Variants in RFX3 observed in about 807,000 individuals in gnomAD.
RFX3 encodes the protein transcription factor RFX3.
RFX3 carries 14 observed loss-of-function variants against 98.6 expected under a neutral mutation model. The observed-to-expected ratio is 0.14, with a 90% CI of 0.09 to 0.22. The LOEUF is 0.22. Ranked by LOEUF, RFX3 falls within the 10% of genes least tolerant of loss-of-function variation. The pLI is 1.00. For missense variants in RFX3, 639 were observed against 926.9 expected (o/e 0.69, Z 4.03); for synonymous variants, 383 against 328.4 (o/e 1.17, Z -1.80).
intron 16 of RFX3, among the ~76,000 whole-genome samples, chr9:3,228,180 C>A (rs1251788263): frequency 2.0e-5 from 3 of 152,186 alleles, no homozygotes; most frequent in Non-Finnish European, 4.4e-5. Flanking sequence ...TGCTTCTGCT[C>A]TGCTTATAAA....
chr9:3,483,052 T>C (rs747389870), intron 1 of RFX3, among the ~76,000 whole-genome samples: 8 of 152,196 alleles, frequency 5.3e-5, no homozygotes, highest in Non-Finnish European at 1.0e-4. Flanking sequence ...TCTCAGCTGT[T>C]TATTTTGCAT....
chr9:3,436,838 C>A (rs1331642512), intron 1 of RFX3, among the ~76,000 whole-genome samples: 1 of 151,990 alleles, frequency 6.6e-6, no homozygotes, highest in African/African-American at 2.4e-5. Flanking sequence ...GGAGATGTGA[C>A]AAGCAAGAAG....
At chr9:3,268,563 G>T (rs1362804017) in intron 11 of RFX3, among the ~76,000 whole-genome samples, 7 of 151,700 alleles carry the variant, frequency 4.6e-5, no homozygotes, top group Non-Finnish European at 1.0e-4. Flanking sequence ...AATTTTCTTG[G>T]CAGGGTGGTA....
intron 1 of RFX3, among the ~76,000 whole-genome samples, chr9:3,461,749 C>T (rs1258125113): frequency 6.6e-6 from 1 of 151,796 alleles, no homozygotes; most frequent in Non-Finnish European, 1.5e-5. Flanking sequence ...TTTCATATGT[C>T]ATATCTATGG....
chr9:3,353,098 C>CA (rs1221654024), intron 2 of RFX3, among the ~76,000 whole-genome samples: 2 of 145,264 alleles, frequency 1.4e-5, no homozygotes, highest in Non-Finnish European at 1.5e-5. Context: ...ATCGCAAGGA[C>CA]AAAAAACCAA....
chr9:3,422,578 T>C (rs1029705482), intron 1 of RFX3, among the ~76,000 whole-genome samples: 1 of 152,228 alleles, frequency 6.6e-6, no homozygotes, highest in African/African-American at 2.4e-5. Flanking sequence ...TTAAGTGATT[T>C]ACAGATCAAA....
At chr9:3,500,484 G>GA (rs1313986069) in intron 1 of RFX3, among the ~76,000 whole-genome samples, 2 of 151,692 alleles carry the variant, frequency 1.3e-5, no homozygotes, top group Non-Finnish European at 2.9e-5. Context: ...ATGCAACTCA[G>GA]AAAAAAAAGT....
chr9:3,342,363 G>A (rs1193815747), intron 3 of RFX3, among the ~76,000 whole-genome samples: 4 of 152,106 alleles, frequency 2.6e-5, no homozygotes, highest in Admixed American at 6.6e-5. Flanking sequence ...AGGGACTAAT[G>A]TACAATGGAT....
intron 2 of RFX3, among the ~76,000 whole-genome samples, chr9:3,378,703 T>G (rs1379340028): frequency 6.6e-6 from 1 of 151,882 alleles, no homozygotes; most frequent in Non-Finnish European, 1.5e-5. Context: ...GTTACAGGCA[T>G]GCTCCACCAT....
At chr9:3,483,998 A>T (rs1438092262) in intron 1 of RFX3, among the ~76,000 whole-genome samples, 4 of 152,106 alleles carry the variant, frequency 2.6e-5, no homozygotes, top group African/African-American at 9.7e-5. Context: ...TGAATACCAA[A>T]TATATATATA....
intron 1 of RFX3, among the ~76,000 whole-genome samples, chr9:3,481,949 T>A (rs943353623): frequency 3.9e-5 from 6 of 152,142 alleles, no homozygotes; most frequent in Admixed American, 3.3e-4. Flanking sequence ...GCTGGGCATA[T>A]GAAATGGTAC....
chr9:3,469,913 C>A (rs1052677017), intron 1 of RFX3, among the ~76,000 whole-genome samples: 1 of 151,826 alleles, frequency 6.6e-6, no homozygotes, highest in Non-Finnish European at 1.5e-5. Context: ...GAAGCCTTTT[C>A]GAAGTACACC....
intron 2 of RFX3, among the ~76,000 whole-genome samples, chr9:3,357,563 A>C (rs1437315020): frequency 6.6e-6 from 1 of 152,052 alleles, no homozygotes; most frequent in African/African-American, 2.4e-5. Context: ...AGCTTATATT[A>C]CAACCAAATT....
At chr9:3,328,427 C>A (rs1486911832) in intron 4 of RFX3, among the ~76,000 whole-genome samples, 2 of 152,052 alleles carry the variant, frequency 1.3e-5, no homozygotes, top group South Asian at 2.1e-4. Flanking sequence ...GATAGGGGAA[C>A]TGAGATCCAG....
chr9:3,444,517 C>T (rs1272639955), intron 1 of RFX3, among the ~76,000 whole-genome samples: 1 of 152,004 alleles, frequency 6.6e-6, no homozygotes, highest in African/African-American at 2.4e-5. Context: ...CTGTTAGTTT[C>T]ACAGCTATAT....
At chr9:3,452,169 C>T (rs7873833) in intron 1 of RFX3, 1 of 155,292 alleles carries the variant, frequency 6.4e-6, no homozygotes, top group Non-Finnish European at 1.4e-5. Flanking sequence ...ACACTCTCAT[C>T]ACTGAAGGTG....
chr9:3,258,701 T>C (rs1363430401), intron 13 of RFX3, among the ~76,000 whole-genome samples: 1 of 151,922 alleles, frequency 6.6e-6, no homozygotes, highest in Non-Finnish European at 1.5e-5. Flanking sequence ...GAACAAAACA[T>C]TAAGAATACT....
At chr9:3,359,281 G>C (rs569709837) in intron 2 of RFX3, among the ~76,000 whole-genome samples, 1 of 152,238 alleles carries the variant, frequency 6.6e-6, no homozygotes, top group East Asian at 1.9e-4. Context: ...CTACCAGTGA[G>C]AAGTTAAGAA....
intron 1 of RFX3, among the ~76,000 whole-genome samples, chr9:3,501,608 G>A (rs1433438456): frequency 6.9e-6 from 1 of 144,122 alleles, no homozygotes; most frequent in East Asian, 2.0e-4. Flanking sequence ...CCAGGCTGGA[G>A]TGCAGTGGTG....
Sources: gnomAD v4.1 joint callset for allele counts (sites outside exome capture counted in the v4.1 genomes callset) on GRCh38, gnomAD v4.1.1 for gene constraint, MANE v1.5 for transcripts, NCBI Gene and HGNC (gene_info 2026-07-23, HGNC 2026-07-21) for gene names.